The following ADGRL4 variants were observed in gnomAD, a reference collection of about 807,000 sequenced individuals.
ADGRL4 encodes adhesion G protein-coupled receptor L4.
Under a neutral mutation model 74.8 loss-of-function variants are expected in ADGRL4, and 90 were observed. The ratio of observed to expected loss-of-function variants is 1.20; its 90% CI spans 1.02 to 1.43. The LOEUF (loss-of-function observed/expected upper bound fraction) is 1.43. Among genes scored for constraint, ADGRL4 ranks in the 40% most tolerant of loss-of-function variants. The pLI is 0.00. For synonymous variants in ADGRL4, 311 were observed against 279.2 expected, an observed-to-expected ratio of 1.11 and a Z score of -1.14; for missense variants, 881 against 814.3, an observed-to-expected ratio of 1.08 and a Z score of -1.00.
rs148282442 is a variant in ADGRL4, at chr1:78,974,313, ATCT to A, written c.173-27890_173-27888del. On this transcript the variant is annotated intron_variant, in intron 2 of 14. Coordinates refer to ENST00000370742, the MANE Select transcript of ADGRL4 (RefSeq NM_022159.4). ...TTTTAGGACAATAGTACTATGGTCT[ATCT>A]TCTTCTACATTTTCAGTTATTTATT... 3.3e-4 allele frequency among the ~76,000 whole-genome samples: 50 copies of A among 152,246 alleles called. No homozygotes were observed. The East Asian group carries it at 7.0e-3, about 21-fold the overall frequency.
intron 2 of ADGRL4, among the ~76,000 whole-genome samples, chr1:78,949,036 A>C (rs1649669412): frequency 6.6e-6 from 1 of 152,006 alleles, no homozygotes; most frequent in Admixed American, 6.6e-5. Flanking sequence ...ATACTGGGAG[A>C]AGTTTATATT....
At chr1:78,947,990 T>C (rs953449923) in intron 2 of ADGRL4, among the ~76,000 whole-genome samples, 29 of 152,292 alleles carry the variant, frequency 1.9e-4, no homozygotes, top group African/African-American at 6.7e-4. Flanking sequence ...ATTAGCTTAA[T>C]GCTTTATAGA....
At chr1:78,916,090 A>G (rs1648867070) in intron 12 of ADGRL4, among the ~76,000 whole-genome samples, 1 of 151,804 alleles carries the variant, frequency 6.6e-6, no homozygotes, top group Non-Finnish European at 1.5e-5. Flanking sequence ...CTTCTAGAAA[A>G]GTTTTCAGGA....
chr1:78,937,852 T>C lies in ADGRL4; in HGVS notation c.715A>G (p.Ser239Gly), dbSNP rs762447118. 5 of 1,613,784 alleles carry C rather than the reference T, an allele frequency of 3.1e-6. No individual in the cohort carries two copies. The East Asian group carries it at 1.1e-4, about 36-fold the overall frequency. ...TCAAACTCTGTGGTCTTTTGGAAGC[T>C]CTGGGATATCCTTAAAGTAGCTTGT... Reference protein sequence around the residue: ...VEQATLRISQSFQKTTEFDTN... With the variant: ...VEQATLRISQGFQKTTEFDTN... The change falls in exon 6 of 15, where the codon AGC becomes GGC. Residue 239 changes from serine to glycine, a missense_variant. Coordinates refer to ENST00000370742, the MANE Select transcript of ADGRL4 (RefSeq NM_022159.4).
At chr1:78,905,725 T>A (rs550993979) in intron 12 of ADGRL4, among the ~76,000 whole-genome samples, 2 of 152,116 alleles carry the variant, frequency 1.3e-5, no homozygotes, top group East Asian at 3.9e-4. Flanking sequence ...GTGTTTGGAA[T>A]ATACAAGATG....
chr1:78,975,861 T>G (rs1228020911), intron 2 of ADGRL4, among the ~76,000 whole-genome samples: 1 of 151,892 alleles, frequency 6.6e-6, no homozygotes, highest in African/African-American at 2.4e-5. Context: ...GGATCAGATT[T>G]ACCCTCTGAA....
chr1:78,915,069 C>T (rs1648843600), intron 12 of ADGRL4, among the ~76,000 whole-genome samples: 1 of 151,912 alleles, frequency 6.6e-6, no homozygotes, highest in African/African-American at 2.4e-5. Context: ...CATATCTTCA[C>T]ATGACCTAGG....
intron 2 of ADGRL4, among the ~76,000 whole-genome samples, chr1:78,976,028 T>A (rs1440298442): frequency 1.3e-5 from 2 of 152,028 alleles, no homozygotes; most frequent in African/African-American, 4.8e-5. Flanking sequence ...AATACATGAC[T>A]GCCCCAGCTT....
At chr1:78,953,163 A>G (rs1649765241) in intron 2 of ADGRL4, among the ~76,000 whole-genome samples, 2 of 152,206 alleles carry the variant, frequency 1.3e-5, no homozygotes, top group Admixed American at 6.5e-5. Context: ...ACCATTGGAG[A>G]TATGGAAAAT....
At chr1:78,896,789 T>G (rs116773634) in intron 12 of ADGRL4, among the ~76,000 whole-genome samples, 2,324 of 152,230 alleles carry the variant, frequency 0.015, 77 homozygotes, top group African/African-American at 0.053. Context: ...AGAGTTAAAA[T>G]AAAAGATTGC....
chr1:78,919,557 T>G (rs1453073851), intron 10 of ADGRL4, among the ~76,000 whole-genome samples: 1 of 151,860 alleles, frequency 6.6e-6, no homozygotes, highest in Non-Finnish European at 1.5e-5. Flanking sequence ...TTTTCTTCCC[T>G]CAGGATCATA....
At chr1:79,005,823 A>G (rs116742234) in intron 1 of ADGRL4, among the ~76,000 whole-genome samples, 1 of 152,148 alleles carries the variant, frequency 6.6e-6, no homozygotes, top group African/African-American at 2.4e-5. Flanking sequence ...CACTGTTTTT[A>G]TTTTCCATTA....
intron 2 of ADGRL4, among the ~76,000 whole-genome samples, chr1:78,976,589 A>G (rs901841844): frequency 4.6e-5 from 7 of 151,894 alleles, no homozygotes; most frequent in African/African-American, 9.6e-5. Flanking sequence ...TTAAATAATT[A>G]TATATACATA....
intron 2 of ADGRL4, among the ~76,000 whole-genome samples, chr1:78,951,142 T>C (rs1165168958): frequency 1.3e-5 from 2 of 152,154 alleles, no homozygotes; most frequent in African/African-American, 4.8e-5. Context: ...ATGGACTCCT[T>C]TGCTCTCCTT....
chr1:78,899,205 A>G (rs1029905282), intron 12 of ADGRL4, among the ~76,000 whole-genome samples: 1 of 152,178 alleles, frequency 6.6e-6, no homozygotes, highest in Non-Finnish European at 1.5e-5. Flanking sequence ...TCTTTCAAAT[A>G]GTTTTATTAC....
Position 78,903,987 on chromosome 1 carries a change from TAATA to T in ADGRL4, c.1750-10802_1750-10799del, listed in dbSNP as rs1648575691. ...TAAATAAATAAATAAATAATAATAA[TAATA>T]ATGTACTATTGAAGAAAATATCTGT... On this transcript the variant is annotated intron_variant, in intron 12 of 14. Transcript: ENST00000370742. Among the ~76,000 whole-genome samples the T allele has an allele frequency of 2.0e-5, 3 of 149,678 alleles. No individual in the cohort carries two copies. The South Asian group carries it at 6.3e-4, about 31-fold the overall frequency.
At chr1:78,944,972 C>T (rs997642285) in intron 3 of ADGRL4, among the ~76,000 whole-genome samples, 43 of 151,968 alleles carry the variant, frequency 2.8e-4, no homozygotes, top group South Asian at 2.3e-3. Context: ...CAAGACCAGC[C>T]TGGGCAACAC....
At position 78,895,958 on chromosome 1, in the gene ADGRL4, G is replaced by A. The variant is rs12736571; in HGVS notation, c.1750-2769C>T. On this transcript the variant is annotated intron_variant, in intron 12 of 14. Coordinates refer to ENST00000370742, the MANE Select transcript of ADGRL4 (RefSeq NM_022159.4). ...TACATAGTTTCATGAAAGAACACAG[G>A]AGACTGCACCTTAAATAGGGATTTC... Among the ~76,000 whole-genome samples, 714 of 152,170 alleles carry A rather than the reference G, an allele frequency of 4.7e-3. 4 individuals carry two copies. The highest frequency in any genetic ancestry group is 5.8e-3 in the Non-Finnish European group (396 of 67,978).
intron 2 of ADGRL4, among the ~76,000 whole-genome samples, chr1:78,966,344 C>T (rs1295294974): frequency 1.3e-5 from 2 of 151,864 alleles, no homozygotes; most frequent in Non-Finnish European, 2.9e-5. Context: ...TTCCATTATT[C>T]TCAACCTTCA....
Sources: gnomAD v4.1 joint callset for allele counts (sites outside exome capture counted in the v4.1 genomes callset) on GRCh38, gnomAD v4.1.1 for gene constraint, MANE v1.5 for transcripts, NCBI Gene and HGNC (gene_info 2026-07-23, HGNC 2026-07-21) for gene names.